NOTCH2: variants seen among roughly 807,000 people sequenced by gnomAD.
The protein encoded by NOTCH2 is neurogenic locus notch homolog protein 2.
NOTCH2 carries 29 observed loss-of-function variants against 235.8 expected under a neutral mutation model. The ratio of observed to expected loss-of-function variants is 0.12; its 90% CI spans 0.09 to 0.17. The LOEUF is 0.17. Ranked by LOEUF, NOTCH2 falls within the 10% of genes least tolerant of loss-of-function variation. NOTCH2 has a pLI of 1.00. For missense variants in NOTCH2, 2,285 were observed against 3,150.2 expected (o/e 0.73, Z 6.57); for synonymous variants, 1,086 against 1,141.5 (o/e 0.95, Z 0.98).
intron 22 of NOTCH2, among the ~76,000 whole-genome samples, chr1:119,931,894 T>C (rs2101174923): frequency 6.6e-6 from 1 of 150,570 alleles, no homozygotes; most frequent in East Asian, 1.9e-4. Context: ...GATAAAAAAA[T>C]ACTGGGAATA....
chr1:119,924,830 G>A (rs1289237808), intron 25 of NOTCH2, among the ~76,000 whole-genome samples: 1 of 152,200 alleles, frequency 6.6e-6, no homozygotes, highest in Non-Finnish European at 1.5e-5. Context: ...CTAGTTAATA[G>A]GAAAGTTCCT....
Position 119,968,150 on chromosome 1 carries a change from C to A in NOTCH2, c.1191G>T (p.Gly397=), listed in dbSNP as rs1482060229. The part of the protein sequence containing the change: ...GALCDTNPLN[G]QYICTCPQGY... The stretch of plus-strand genomic sequence containing the variant: ...CTTGTGGGCAGGTGCAAATATATTG[C>A]CCATTTAGGGGGTTGGTGTCACACA... Residue 397 remains glycine (G), a synonymous_variant, in exon 7 of 34, where the codon GGG becomes GGT. Coordinates refer to ENST00000256646, the MANE Select transcript of NOTCH2 (RefSeq NM_024408.4). The A allele has an allele frequency of 2.5e-6, 4 of 1,613,916 alleles. No homozygotes were observed. In the Admixed American group the frequency reaches 6.7e-5, roughly 27 times the overall value.
chr1:120,005,111 C>T lies in NOTCH2; in HGVS notation c.415+218G>A, dbSNP rs1652914432. The T allele has an allele frequency of 3.9e-6, 3 of 762,430 alleles. No individual in the cohort carries two copies. The African/African-American group carries it at 5.2e-5, about 13-fold the overall frequency. The allele number at this position is 762,430 out of a possible 1,614,324, so 47.2% of individuals were successfully genotyped here. ...CCCTGACATATATACTTTAAGCAGT[C>T]AAAGTATTTGGTACTTTTTCTTTCT... On this transcript the variant is annotated intron_variant, in intron 3 of 33. Transcript: ENST00000256646.
intron 12 of NOTCH2, 141 bp downstream of exon 12, chr1:119,959,251 C>A: frequency 3.0e-6 from 2 of 671,084 alleles, no homozygotes; most frequent in South Asian, 1.6e-5. Context: ...GAAAACTGAT[C>A]TAGAGAAGCA....
rs782451942 is a variant in NOTCH2 at position 119,955,151 on chromosome 1, C to A, written c.2108G>T (p.Gly703Val). 3.7e-6 allele frequency: 6 copies of A among 1,614,032 alleles called. No homozygotes were observed. Among genetic ancestry groups the A allele is most frequent in the Middle Eastern group, 1.6e-4 (1 of 6,080 alleles). Reference sequence around the variant, plus strand: ...TCCCTCGGGGCATATACAGCGGAAACCATTCACACCGTTGATACATGTTGC... The same window carrying A: ...TCCCTCGGGGCATATACAGCGGAAAACATTCACACCGTTGATACATGTTGC... The part of the protein sequence containing the change: ...KGATCINGVN[G>V]FRCICPEGPH... Residue 703 changes from glycine (G) to valine (V), a missense_variant, in exon 13 of 34, where the codon GGT (glycine) becomes GTT (valine). Physicochemically the swap from Gly to Val is moderately radical, Grantham distance 109. Around this residue, in one of 6 missense-constraint regions of NOTCH2, gnomAD observed 1,173 missense variants for 1,515.3 expected, o/e 0.77. Coordinates refer to ENST00000256646, the MANE Select transcript of NOTCH2 (RefSeq NM_024408.4).
At chr1:119,958,931 C>G (rs1396276661) in intron 12 of NOTCH2, among the ~76,000 whole-genome samples, 1 of 152,152 alleles carries the variant, frequency 6.6e-6, no homozygotes, top group Non-Finnish European at 1.5e-5. Flanking sequence ...AACAATATTT[C>G]AGAAGACGAA....
rs151130105 is a variant in NOTCH2, at chr1:119,941,677, C to A, written c.2830G>T (p.Asp944Tyr). 1.1e-4 allele frequency: 170 copies of A among 1,614,178 alleles called. 3 individuals are homozygous for A. In the African/African-American group the frequency reaches 1.9e-3, roughly 18 times the overall value. ...TCATTCATGTCTGTCTGGCACTTAT[C>A]CCCAGTGAAACCCGGAAGGCAGAGG... ...SCLCLPGFTG[D>Y]KCQTDMNECL... Residue 944 changes from aspartate (D) to tyrosine (Y), a missense_variant, in exon 18 of 34, where the codon GAT becomes TAT. By Grantham distance (160) the Asp-to-Tyr change is radical (BLOSUM62 -3). Transcript: ENST00000256646.
intron 22 of NOTCH2, among the ~76,000 whole-genome samples, chr1:119,931,038 G>A (rs1649634795): frequency 2.0e-5 from 3 of 149,440 alleles, no homozygotes; most frequent in Non-Finnish European, 4.4e-5. Context: ...GGGAGGTGGA[G>A]CTTGCAGTAA....
rs1650343257 is a variant in NOTCH2, at chr1:119,948,559, C to T, written c.2607G>A (p.Arg869=). The change falls in exon 17 of 34, where the codon CGG becomes CGA. Residue 869 remains arginine (R), a synonymous_variant. Coordinates refer to ENST00000256646, the MANE Select transcript of NOTCH2 (RefSeq NM_024408.4). The stretch of plus-strand genomic sequence containing the variant: ...TACACTCGTCAATGTCAATGGTACA[C>T]CGCTGACCTAGGAACACAGGGCCAA... The part of the protein sequence containing the change: ...CLCAPGWQGQ[R]CTIDIDECIS... 1.9e-6 allele frequency: 3 copies of T among 1,614,074 alleles called. No individual in the cohort carries two copies. The highest frequency in any genetic ancestry group is 2.5e-6 in the Non-Finnish European group (3 of 1,180,046).
At chr1:120,035,494 G>A (rs1208664964) in intron 1 of NOTCH2, among the ~76,000 whole-genome samples, 2 of 151,934 alleles carry the variant, frequency 1.3e-5, no homozygotes, top group African/African-American at 4.8e-5. Context: ...CCTCTTTACT[G>A]AACAGATCGT....
chr1:119,940,898 G>A, intron 18 of NOTCH2, 142 bp from the exon 19 acceptor site: 2 of 762,062 alleles, frequency 2.6e-6, no homozygotes, highest in Non-Finnish European at 4.6e-6. Context: ...TTACAAGCTA[G>A]ATTGGGTGCC....
At position 119,935,473 on chromosome 1, in the gene NOTCH2, C is replaced by T. The variant is rs373010632; in HGVS notation, c.3654G>A (p.Arg1218=). 5.6e-6 allele frequency: 9 copies of T among 1,613,998 alleles called. No homozygotes were observed. Among genetic ancestry groups the T allele is most frequent in the Admixed American group, 1.7e-5 (1 of 60,000 alleles). The change falls in exon 22 of 34, where the codon CGG becomes CGA. Residue 1218 remains arginine (R), a splice_region_variant and synonymous_variant. Transcript: ENST00000256646. ...AAATGGATAAGGATGATTTCATACCCCGAGTGCCTGGTGGGCAAGAGCACT... is the reference window on the plus strand; with the variant it reads ...AAATGGATAAGGATGATTTCATACCTCGAGTGCCTGGTGGGCAAGAGCACT... The part of the protein sequence containing the change: ...HFKCSCPPGT[R]GLLCEENIDD...
intron 9 of NOTCH2, among the ~76,000 whole-genome samples, chr1:119,965,820 T>C (rs1651114157): frequency 6.6e-6 from 1 of 152,210 alleles, no homozygotes; most frequent in South Asian, 2.1e-4. Context: ...GTGAAATTTA[T>C]AGGTGGAACC....
intron 32 of NOTCH2, 144 bp downstream of exon 32, chr1:119,918,262 T>TA: frequency 1.0e-6 from 1 of 960,392 alleles, no homozygotes; most frequent in Non-Finnish European, 1.6e-6. Flanking sequence ...CTCAGCATGT[T>TA]AAATAAATGC....
intron 22 of NOTCH2, among the ~76,000 whole-genome samples, chr1:119,930,143 G>A: frequency 6.6e-6 from 1 of 152,132 alleles, no homozygotes; most frequent in East Asian, 1.9e-4. Flanking sequence ...ATATTTCTCA[G>A]AACATATCCC....
chr1:119,945,495 T>A (rs1399416980), intron 17 of NOTCH2, among the ~76,000 whole-genome samples: 4 of 152,108 alleles, frequency 2.6e-5, no homozygotes. Context: ...AAACCCATTT[T>A]AGAGAAACAG....
At chr1:120,064,531 CT>C (rs1655428818) in intron 1 of NOTCH2, among the ~76,000 whole-genome samples, 1 of 152,112 alleles carries the variant, frequency 6.6e-6, no homozygotes, top group Admixed American at 6.5e-5. Context: ...GTCATAGATG[CT>C]GTGACTAAGA....
At position 120,051,228 on chromosome 1, in the gene NOTCH2, A is replaced by AACACACAC. The variant is rs57313347; in HGVS notation, c.73+18098_73+18105dup. 6.3e-3 allele frequency among the ~76,000 whole-genome samples: 506 copies of AACACACAC among 80,358 alleles called. 4 individuals carry two copies. Among genetic ancestry groups the AACACACAC allele is most frequent in the East Asian group, 0.017 (62 of 3,696 alleles). The allele number at this position is 80,358 out of a possible 152,430, so 52.7% of individuals were successfully genotyped here. A position where few individuals can be genotyped will look rare whatever the true frequency, so the allele number is the denominator to read the frequency against. On this transcript the variant is annotated intron_variant, in intron 1 of 33. Transcript: ENST00000256646. ...AATTCCAAGGTCTATTCCTCCTCCCAACACACACACACACACACACACACA... is the reference window on the plus strand; with the variant it reads ...AATTCCAAGGTCTATTCCTCCTCCCAACACACACACACACACACACACACACACACACA...
Position 120,069,446 on chromosome 1 carries a change from C to A in NOTCH2, c.-40G>T. ...CCTCCTCCGCCGCCGCCGCCGCCGC[C>A]TGGGCAGATCCACATGGGGAGGGGG... On this transcript the variant is annotated 5_prime_UTR_variant, in exon 1 of 34. In the 5' UTR this introduces an upstream ATG that the reference lacks. Transcript: ENST00000256646. 1 of 1,524,228 alleles carries A rather than the reference C, an allele frequency of 6.6e-7. No homozygotes were observed. The highest frequency in any genetic ancestry group is 2.5e-5 in the East Asian group (1 of 40,412). The allele number at this position is 1,524,228 out of a possible 1,614,324, so 94.4% of individuals were successfully genotyped here.
Sources: allele counts gnomAD v4.1 joint callset (sites outside exome capture counted in the v4.1 genomes callset), GRCh38; gene constraint gnomAD v4.1.1; regional missense constraint gnomAD v4.1.1; transcripts MANE v1.5; gene names NCBI Gene and HGNC (gene_info 2026-07-23, HGNC 2026-07-21).